The following RASGRP3 variants were observed in gnomAD, a reference collection of about 807,000 sequenced individuals.
RASGRP3 encodes RAS guanyl releasing protein 3.
A neutral mutation model predicts 82.7 loss-of-function variants in RASGRP3; 54 were observed. The observed-to-expected ratio is 0.65, with a 90% confidence interval of 0.52 to 0.82. The LOEUF is 0.82. Among genes scored for constraint, RASGRP3 ranks in the 40% least tolerant of loss-of-function variants. The probability of loss-of-function intolerance (pLI) is 0.00; values close to 1 mark genes in which losing one functional copy is unlikely to be tolerated. For synonymous variants in RASGRP3, 309 were observed against 300.5 expected, an observed-to-expected ratio of 1.03 and a Z score of -0.29; for missense variants, 861 against 828.9, an observed-to-expected ratio of 1.04 and a Z score of -0.48.
At chr2:33,561,288 A>T (rs557796287) in intron 17 of RASGRP3, among the ~76,000 whole-genome samples, 1 of 152,246 alleles carries the variant, frequency 6.6e-6, no homozygotes, top group African/African-American at 2.4e-5. Flanking sequence ...GCTGGTCCCA[A>T]ACTCCTGACC....
chr2:33,528,973 G>A (rs1323160223), intron 10 of RASGRP3, among the ~76,000 whole-genome samples: 4 of 152,190 alleles, frequency 2.6e-5, no homozygotes. Context: ...AGCCACAGGT[G>A]ATGTCTGCAG....
chr2:33,480,308 G>A (rs972854071), intron 1 of RASGRP3, among the ~76,000 whole-genome samples: 1 of 152,198 alleles, frequency 6.6e-6, no homozygotes, highest in African/African-American at 2.4e-5. Flanking sequence ...CTCCCAAAGT[G>A]CTGGGATTAC....
upstream of RASGRP3, among the ~76,000 whole-genome samples, chr2:33,472,180 G>C (rs919156388): frequency 2.2e-4 from 34 of 152,194 alleles, no homozygotes; most frequent in African/African-American, 7.2e-4. Flanking sequence ...ATACATGCCA[G>C]GCATTGTATT....
intron 1 of RASGRP3, among the ~76,000 whole-genome samples, chr2:33,440,304 A>G (rs1333830100): frequency 1.3e-5 from 2 of 152,222 alleles, no homozygotes; most frequent in Non-Finnish European, 2.9e-5. Flanking sequence ...CTCTGCAACC[A>G]TCTATCGGCA....
chr2:33,444,662 A>G (rs1330682492), intron 1 of RASGRP3, among the ~76,000 whole-genome samples: 1 of 152,248 alleles, frequency 6.6e-6, no homozygotes, highest in Non-Finnish European at 1.5e-5. Flanking sequence ...AACATTCTAT[A>G]TCAAGTAAGA....
chr2:33,559,571 A>C, intron 17 of RASGRP3: 1 of 517,746 alleles, frequency 1.9e-6, no homozygotes, highest in Non-Finnish European at 3.9e-6. Flanking sequence ...AATCATGCAA[A>C]GCAAAGTAGG....
At chr2:33,464,114 A>G in intron 2 of RASGRP3, among the ~76,000 whole-genome samples, 1 of 144,580 alleles carries the variant, frequency 6.9e-6, no homozygotes, top group African/African-American at 2.6e-5. Flanking sequence ...AATAATAATT[A>G]TTATTATTAT....
rs116966599 is a variant in RASGRP3 at position 33,456,701 on chromosome 2, A to G, written c.-261+8758A>G. Among the ~76,000 whole-genome samples the G allele has an allele frequency of 1.0e-3, 155 of 152,292 alleles. 6 individuals carry two copies. The East Asian group carries it at 0.027, about 27-fold the overall frequency. On this transcript the variant is annotated intron_variant, in intron 2 of 18. Coordinates refer to the RASGRP3 transcript ENST00000402538. ...TGACATATTTATATACCCATGAGAGAATCACCACAATTTTTAAAAAATTCA... is the reference window on the plus strand; with the variant it reads ...TGACATATTTATATACCCATGAGAGGATCACCACAATTTTTAAAAAATTCA...
chr2:33,494,191 T>C (rs1558442128), intron 1 of RASGRP3, among the ~76,000 whole-genome samples: 1 of 152,194 alleles, frequency 6.6e-6, no homozygotes, highest in African/African-American at 2.4e-5. Flanking sequence ...AAAGTGGACA[T>C]ATTCTGTGTC....
intron 1 of RASGRP3, among the ~76,000 whole-genome samples, chr2:33,445,131 A>G (rs1287691699): frequency 6.6e-6 from 1 of 152,238 alleles, no homozygotes; most frequent in Non-Finnish European, 1.5e-5. Context: ...TATAACTACT[A>G]TGCCTTGGGG....
intron 10 of RASGRP3, chr2:33,532,833 C>T (rs1332352409): frequency 6.6e-6 from 1 of 152,172 alleles, no homozygotes; most frequent in African/African-American, 2.4e-5. Flanking sequence ...AGAACAGTGA[C>T]TAGAACAATC....
chr2:33,530,497 CT>C (rs746592952), intron 10 of RASGRP3, among the ~76,000 whole-genome samples: 25,979 of 117,064 alleles, frequency 0.22, 2,992 homozygotes, highest in African/African-American at 0.32. Context: ...CTGCCCCTTC[CT>C]TTTTTTTTTT....
At chr2:33,521,187 A>G (rs949498154) in intron 6 of RASGRP3, among the ~76,000 whole-genome samples, 13 of 152,142 alleles carry the variant, frequency 8.5e-5, no homozygotes, top group African/African-American at 2.9e-4. Context: ...GGTGCTGCTG[A>G]GGTTGGCCTC....
chr2:33,497,849 G>C (rs17013160), intron 1 of RASGRP3, among the ~76,000 whole-genome samples: 9,130 of 152,230 alleles, frequency 0.06, 322 homozygotes, highest in Middle Eastern at 0.12. Flanking sequence ...GAATAATACA[G>C]AGTAAGAAGC....
intron 1 of RASGRP3, among the ~76,000 whole-genome samples, chr2:33,508,944 T>C (rs1370058824): frequency 6.6e-6 from 1 of 152,210 alleles, no homozygotes; most frequent in Non-Finnish European, 1.5e-5. Flanking sequence ...GTTTCTATTG[T>C]TATGGTCTAG....
intron 14 of RASGRP3, among the ~76,000 whole-genome samples, chr2:33,550,849 T>C (rs993862453): frequency 2.6e-5 from 4 of 152,112 alleles, no homozygotes; most frequent in Non-Finnish European, 4.4e-5. Flanking sequence ...CCTCTGAGAA[T>C]GGGTAAATAA....
intron 1 of RASGRP3, among the ~76,000 whole-genome samples, chr2:33,497,197 G>A (rs1338237003): frequency 6.6e-6 from 1 of 152,102 alleles, no homozygotes; most frequent in Non-Finnish European, 1.5e-5. Flanking sequence ...TTCAAGTTTT[G>A]TATGATTAAT....
chr2:33,531,227 A>G (rs1404637882), intron 10 of RASGRP3, among the ~76,000 whole-genome samples: 1 of 152,250 alleles, frequency 6.6e-6, no homozygotes, highest in Non-Finnish European at 1.5e-5. Flanking sequence ...AAATGCAACA[A>G]CTTGAAACAG....
At chr2:33,517,562 ACTT>A (rs1671589149) in intron 4 of RASGRP3, among the ~76,000 whole-genome samples, 1 of 152,170 alleles carries the variant, frequency 6.6e-6, no homozygotes, top group Admixed American at 6.5e-5. Flanking sequence ...TCCACTTTCT[ACTT>A]CTTCTCTTCA....
Sources: allele counts gnomAD v4.1 joint callset (sites outside exome capture counted in the v4.1 genomes callset), GRCh38; gene constraint gnomAD v4.1.1; transcripts MANE v1.5; gene names NCBI Gene and HGNC (gene_info 2026-07-23, HGNC 2026-07-21).